Variants in SPMAP2L observed in about 807,000 individuals in gnomAD.
SPMAP2L encodes the protein sperm microtubule associated protein 2 like, also known as sperm microtubule associated protein 2-like.
chr4:56,566,698 T>TC, the SPMAP2L span, among the ~76,000 whole-genome samples: 10 of 65,214 alleles, frequency 1.5e-4, no homozygotes, highest in African/African-American at 2.9e-4. Flanking sequence ...TCTTTTTCTT[T>TC]TTTTTTTTTT....
the SPMAP2L span, chr4:56,596,683 G>C: frequency 5.5e-6 from 8 of 1,449,032 alleles, no homozygotes; most frequent in Non-Finnish European, 7.2e-6. Flanking sequence ...GCTGCTCTTA[G>C]GATGCTATTT....
the SPMAP2L span, among the ~76,000 whole-genome samples, chr4:56,552,998 T>C: frequency 6.6e-6 from 1 of 152,108 alleles, no homozygotes; most frequent in Non-Finnish European, 1.5e-5. Flanking sequence ...CCAGCTTTGC[T>C]GCCTGTATCT....
chr4:56,559,705 T>C, the SPMAP2L span, among the ~76,000 whole-genome samples: 1 of 152,060 alleles, frequency 6.6e-6, no homozygotes, highest in African/African-American at 2.4e-5. Context: ...GTAGCTGGGA[T>C]TACAGTCACA....
the SPMAP2L span, among the ~76,000 whole-genome samples, chr4:56,573,577 T>C: frequency 6.6e-6 from 1 of 152,260 alleles, no homozygotes; most frequent in East Asian, 1.9e-4. Flanking sequence ...GAGTCTAAGG[T>C]CTCCACAGTG....
chr4:56,590,694 G>T, the SPMAP2L span, among the ~76,000 whole-genome samples: 1,034 of 152,100 alleles, frequency 6.8e-3, 13 homozygotes, highest in African/African-American at 0.024. Context: ...TTCCTTGTTG[G>T]GTCTTACATA....
At chr4:56,552,934 T>C in the SPMAP2L span, among the ~76,000 whole-genome samples, 1 of 152,070 alleles carries the variant, frequency 6.6e-6, no homozygotes, top group Non-Finnish European at 1.5e-5. Flanking sequence ...TGAGAACCAC[T>C]GCTCAGGGGT....
the SPMAP2L span, among the ~76,000 whole-genome samples, chr4:56,550,761 A>G: frequency 1.3e-5 from 2 of 152,142 alleles, no homozygotes; most frequent in African/African-American, 4.8e-5. Context: ...AAATTGTGCC[A>G]TCTCCATTAT....
At chr4:56,562,531 A>C in the SPMAP2L span, among the ~76,000 whole-genome samples, 2 of 152,160 alleles carry the variant, frequency 1.3e-5, no homozygotes, top group Admixed American at 1.3e-4. Context: ...CAGTATTTGT[A>C]TTTAAATGAC....
chr4:56,600,971 G>C, the SPMAP2L span: 1 of 1,535,298 alleles, frequency 6.5e-7, no homozygotes, highest in Non-Finnish European at 8.7e-7. Context: ...CCTAGCCCCC[G>C]AACAATAGCT....
At chr4:56,579,341 C>T in the SPMAP2L span, among the ~76,000 whole-genome samples, 1 of 152,102 alleles carries the variant, frequency 6.6e-6, no homozygotes, top group East Asian at 1.9e-4. Flanking sequence ...AAATTAATTA[C>T]ACTCCTAAAC....
the SPMAP2L span, chr4:56,548,767 C>G: frequency 1.9e-5 from 28 of 1,460,508 alleles, no homozygotes; most frequent in Admixed American, 4.8e-5. Context: ...CTAATTTTTG[C>G]TTTTACTTTT....
the SPMAP2L span, among the ~76,000 whole-genome samples, chr4:56,560,633 G>T: frequency 0.014 from 2,072 of 152,270 alleles, 26 homozygotes; most frequent in Middle Eastern, 0.024. Flanking sequence ...TTGCTATGTT[G>T]CCCAGGCTGG....
At chr4:56,614,271 A>G in the SPMAP2L span, among the ~76,000 whole-genome samples, 1 of 152,338 alleles carries the variant, frequency 6.6e-6, no homozygotes, top group African/African-American at 2.4e-5. Context: ...ATCCTGGAGA[A>G]GAGTTTCCTA....
chr4:56,587,117 A>G, the SPMAP2L span, among the ~76,000 whole-genome samples: 1 of 152,182 alleles, frequency 6.6e-6, no homozygotes, highest in Non-Finnish European at 1.5e-5. Flanking sequence ...GTTTTTAACA[A>G]TTAATTTTAA....
At chr4:56,598,067 TG>T in the SPMAP2L span, among the ~76,000 whole-genome samples, 6 of 152,184 alleles carry the variant, frequency 3.9e-5, no homozygotes, top group African/African-American at 1.4e-4. Context: ...CTCACTATAT[TG>T]CCCAGGCTGG....
chr4:56,579,088 G>A, the SPMAP2L span, among the ~76,000 whole-genome samples: 1 of 151,922 alleles, frequency 6.6e-6, no homozygotes, highest in African/African-American at 2.4e-5. Context: ...TAGAAGGCTT[G>A]AATAACACTA....
chr4:56,625,669 A>G, the SPMAP2L span, among the ~76,000 whole-genome samples: 1 of 152,066 alleles, frequency 6.6e-6, no homozygotes, highest in Admixed American at 6.6e-5. Context: ...TGCTGCTGCC[A>G]TGTAAGAAGT....
the SPMAP2L span, among the ~76,000 whole-genome samples, chr4:56,577,925 C>T: frequency 9.9e-5 from 15 of 152,186 alleles, no homozygotes; most frequent in South Asian, 2.9e-3. Flanking sequence ...GTTGAAGCTG[C>T]AGTGACTATG....
the SPMAP2L span, among the ~76,000 whole-genome samples, chr4:56,585,743 C>T: frequency 6.6e-6 from 1 of 152,208 alleles, no homozygotes. Context: ...ATTTATTTCA[C>T]TAAAATGTTT....
Sources: allele counts gnomAD v4.1 joint callset (sites outside exome capture counted in the v4.1 genomes callset), GRCh38; gene constraint gnomAD v4.1.1; transcripts MANE v1.5; gene names NCBI Gene and HGNC (gene_info 2026-07-23, HGNC 2026-07-21).